The following STARD9 variants were observed in gnomAD, a reference collection of about 807,000 sequenced individuals.
STARD9 encodes stAR-related lipid transfer protein 9.
STARD9 carries 346 observed loss-of-function variants against 399.8 expected under a neutral mutation model. The observed-to-expected ratio is 0.87, with a 90% CI of 0.79 to 0.95. The LOEUF (loss-of-function observed/expected upper bound fraction) is 0.95, where lower values mean the gene tolerates loss of function less well. Ranked by LOEUF, STARD9 falls within the 40% of genes least tolerant of loss-of-function variation. The probability of loss-of-function intolerance (pLI) is 0.00; values close to 1 mark genes in which losing one functional copy is unlikely to be tolerated. For missense variants in STARD9, 5,832 were observed against 5,667.5 expected (o/e 1.03, Z -0.93); for synonymous variants, 2,203 against 2,143.5 (o/e 1.03, Z -0.77).
At chr15:42,675,069 C>T in intron 18 of STARD9, 105 bp downstream of exon 18, 1 of 1,224,488 alleles carries the variant, frequency 8.2e-7, no homozygotes, top group Non-Finnish European at 1.1e-6. Flanking sequence ...ATGGATCACC[C>T]AGCCTCTGCA....
chr15:42,588,176 T>C (rs2058317597), intron 3 of STARD9, among the ~76,000 whole-genome samples: 1 of 151,914 alleles, frequency 6.6e-6, no homozygotes, highest in African/African-American at 2.4e-5. Context: ...ATCAGTCATC[T>C]TAGAGGGGGT....
chr15:42,616,890 C>CAA (rs565991513), intron 3 of STARD9, among the ~76,000 whole-genome samples: 3,406 of 57,096 alleles, frequency 0.06, 191 homozygotes, highest in African/African-American at 0.16. Context: ...GACTTCCTCT[C>CAA]AAAAAAAAAA....
In STARD9 at chr15:42,663,985, C is replaced by T. The variant is rs748595259; in HGVS notation, c.1176+68C>T. 6.9e-5 allele frequency: 76 copies of T among 1,097,200 alleles called. No individual in the cohort carries two copies. In the Admixed American group the frequency reaches 1.0e-3, roughly 15 times the overall value. The allele number at this position is 1,097,200 out of a possible 1,614,324, so 68.0% of individuals were successfully genotyped here. ...AAGCTTTCCTTATTTTTTTTTCTCT[C>T]GTGATTTCTTTCTCTTTGTACTCAC... On this transcript the variant is annotated intron_variant, in intron 13 of 32. Coordinates refer to ENST00000290607, the MANE Select transcript of STARD9 (RefSeq NM_020759.3).
intron 7 of STARD9, among the ~76,000 whole-genome samples, chr15:42,647,982 A>G (rs1023152928): frequency 2.6e-5 from 4 of 152,200 alleles, no homozygotes; most frequent in African/African-American, 9.6e-5. Flanking sequence ...CTTCCCAGAC[A>G]ATAAACCTTT....
rs28744617 is a variant in STARD9, at chr15:42,688,824, A to G, written c.7246A>G (p.Met2416Val). The G allele has an allele frequency of 0.23, 357,395 of 1,537,006 alleles. 44,739 individuals are homozygous for G. Among genetic ancestry groups the G allele is most frequent in the South Asian group, 0.37 (31,488 of 84,042 alleles). The change falls in exon 23 of 33, where the codon ATG becomes GTG. Residue 2416 changes from methionine (M) to valine (V), a missense_variant. Physicochemically the swap from Met to Val is conservative, Grantham distance 21. Coordinates refer to ENST00000290607, the MANE Select transcript of STARD9 (RefSeq NM_020759.3). ...GTGTGGGTCTGTGCGATCCATGGCCATGGGATCTCATAGTCAATCTGGTGT... is the reference window on the plus strand; with the variant it reads ...GTGTGGGTCTGTGCGATCCATGGCCGTGGGATCTCATAGTCAATCTGGTGT... ...AWCGSVRSMA[M>V]GSHSQSGVPE...
At chr15:42,675,566 G>T in intron 18 of STARD9, 98 bp from the exon 19 acceptor site, 2 of 884,654 alleles carry the variant, frequency 2.3e-6, no homozygotes, top group South Asian at 1.5e-5. Context: ...ATCAGTTATC[G>T]AGGGCATGAC....
intron 6 of STARD9, 196 bp downstream of exon 6, chr15:42,638,283 G>T: frequency 1.6e-6 from 1 of 612,298 alleles, no homozygotes; most frequent in Non-Finnish European, 2.9e-6. Context: ...CCTACCCATA[G>T]ACTTAACAAG....
chr15:42,689,466 C>G lies in STARD9; in HGVS notation c.7888C>G (p.Leu2630Val), dbSNP rs1479969724. ...SLSAEAGQID[L>V]LPDERKVQAT... is the part of the protein sequence containing the mutation. ...ATCTGCTGAAGCAGGGCAGATAGAT[C>G]TGTTACCTGATGAGAGGAAAGTCCA... The change falls in exon 23 of 33, where the codon CTG becomes GTG. Residue 2630 changes from leucine to valine, a missense_variant. Coordinates refer to ENST00000290607, the MANE Select transcript of STARD9 (RefSeq NM_020759.3). 1 of 1,537,180 alleles carries G rather than the reference C, an allele frequency of 6.5e-7. No individual in the cohort carries two copies. Among genetic ancestry groups the G allele is most frequent in the Non-Finnish European group, 8.7e-7 (1 of 1,146,928 alleles).
chr15:42,695,646 G>A, intron 25 of STARD9, 97 bp from the exon 26 acceptor site: 1 of 1,377,696 alleles, frequency 7.3e-7, no homozygotes, highest in East Asian at 2.5e-5. Flanking sequence ...AGCAGTAGAG[G>A]TGAGCAGGGA....
At chr15:42,705,498 A>G (rs1370122092) in intron 26 of STARD9, among the ~76,000 whole-genome samples, 2 of 151,970 alleles carry the variant, frequency 1.3e-5, no homozygotes, top group African/African-American at 2.4e-5. Flanking sequence ...CTGTGGCGCC[A>G]TCTTGACTCA....
intron 8 of STARD9, 146 bp from the exon 9 acceptor site, chr15:42,652,374 C>G (rs1272359616): frequency 1.4e-5 from 10 of 691,628 alleles, no homozygotes; most frequent in Non-Finnish European, 2.2e-5. Context: ...GGACTATTCT[C>G]TTCACGATAC....
Position 42,652,380 on chromosome 15 carries a change from G to A in STARD9, c.630-140G>A, listed in dbSNP as rs184203687. On this transcript the variant is annotated intron_variant, in intron 8 of 32. Transcript: ENST00000290607. ...GCCCTCTTTGGACTATTCTCTTCACGATACTGGACTAAATATGTGTGTTTT... is the reference window on the plus strand; with the variant it reads ...GCCCTCTTTGGACTATTCTCTTCACAATACTGGACTAAATATGTGTGTTTT... 5.7e-6 allele frequency: 4 copies of A among 707,170 alleles called. No homozygotes were observed. In the East Asian group the frequency reaches 1.1e-4, roughly 19 times the overall value. The allele number at this position is 707,170 out of a possible 1,614,324, so 43.8% of individuals were successfully genotyped here.
In STARD9 at chr15:42,682,450, G is replaced by C. The variant is rs1388546442; in HGVS notation, c.2412G>C (p.Glu804Asp). The change falls in exon 22 of 33, where the codon GAG becomes GAC. Residue 804 changes from glutamate (E) to aspartate (D), a missense_variant. By Grantham distance (45) the Glu-to-Asp change is conservative. Coordinates refer to ENST00000290607, the MANE Select transcript of STARD9 (RefSeq NM_020759.3). ...GGCTCCAGGATGACAGCACCCAGGA[G>C]CCCCCATACCAGGTCCTCAGCCCTG... ...LCWLQDDSTQ[E>D]PPYQVLSPDA... 3 of 1,537,060 alleles carry C rather than the reference G, an allele frequency of 2.0e-6. No homozygotes were observed. The African/African-American group carries it at 4.1e-5, about 21-fold the overall frequency.
Position 42,692,033 on chromosome 15 carries a change from G to A in STARD9, c.10455G>A (p.Gln3485=), listed in dbSNP as rs377606014. Residue 3485 remains glutamine, a synonymous_variant, in exon 23 of 33, where the codon CAG becomes CAA. Transcript: ENST00000290607. ...AGCCTGCACGTATCAGCTGGAAGCA[G>A]TATATGTCTGGCAGTGCAGTCGATG... ...PEEPARISWK[Q]YMSGSAVDVS... 2.0e-5 allele frequency: 31 copies of A among 1,537,156 alleles called. No individual in the cohort carries two copies. In the African/African-American group the frequency reaches 4.0e-4, roughly 20 times the overall value.
chr15:42,600,491 TGA>T (rs777784218), intron 3 of STARD9, among the ~76,000 whole-genome samples: 3 of 151,430 alleles, frequency 2.0e-5, no homozygotes, highest in African/African-American at 4.8e-5. Context: ...CATGTGTGTG[TGA>T]GAGAGAGAGG....
At chr15:42,696,691 G>A (rs1258398546) in intron 26 of STARD9, among the ~76,000 whole-genome samples, 1 of 152,222 alleles carries the variant, frequency 6.6e-6, no homozygotes, top group Non-Finnish European at 1.5e-5. Context: ...TCAGGGCACT[G>A]CTAGTGAAGA....
chr15:42,640,247 A>G (rs548144538), intron 7 of STARD9, among the ~76,000 whole-genome samples: 1 of 152,278 alleles, frequency 6.6e-6, no homozygotes, highest in Admixed American at 6.5e-5. Flanking sequence ...CCTGATAAGG[A>G]GCGGGACATG....
At chr15:42,717,618 C>T in intron 28 of STARD9, 113 bp from the exon 29 acceptor site, 1 of 931,644 alleles carries the variant, frequency 1.1e-6, no homozygotes, top group Non-Finnish European at 1.7e-6. Context: ...GAGCTAGACC[C>T]TGTCTCAAAA....
At chr15:42,681,809 C>T (rs1365486784) in intron 21 of STARD9, among the ~76,000 whole-genome samples, 197 bp downstream of exon 21, 1 of 152,060 alleles carries the variant, frequency 6.6e-6, no homozygotes, top group Non-Finnish European at 1.5e-5. Context: ...CGCTAATTTC[C>T]TTATTGTCCT....
Sources: gnomAD v4.1 joint callset for allele counts (sites outside exome capture counted in the v4.1 genomes callset) on GRCh38, gnomAD v4.1.1 for gene constraint, MANE v1.5 for transcripts, NCBI Gene and HGNC (gene_info 2026-07-23, HGNC 2026-07-21) for gene names.